The following PPHLN1 variants were observed in gnomAD, a reference collection of about 807,000 sequenced individuals.
PPHLN1 encodes periphilin 1, also known as periphilin-1.
Under a neutral mutation model 51.3 loss-of-function variants are expected in PPHLN1, and 29 were observed. The ratio of observed to expected loss-of-function variants is 0.57; its 90% CI spans 0.42 to 0.77. The LOEUF (loss-of-function observed/expected upper bound fraction) is 0.77, where lower values mean the gene tolerates loss of function less well. Among genes scored for constraint, PPHLN1 ranks in the 30% least tolerant of loss-of-function variants. The probability of loss-of-function intolerance (pLI) is 0.00; values close to 1 mark genes in which losing one functional copy is unlikely to be tolerated. For missense variants in PPHLN1, 436 were observed against 438.4 expected (o/e 0.99, Z 0.05); for synonymous variants, 147 against 147.8 (o/e 0.99, Z 0.04).
intron 1 of PPHLN1, among the ~76,000 whole-genome samples, chr12:42,331,428 C>T (rs1565721214): frequency 6.6e-6 from 1 of 152,198 alleles, no homozygotes; most frequent in East Asian, 1.9e-4. Context: ...TTGCCTATGA[C>T]TTTGTTTTCT....
At chr12:42,412,488 T>C (rs2079963025) in intron 9 of PPHLN1, among the ~76,000 whole-genome samples, 1 of 152,194 alleles carries the variant, frequency 6.6e-6, no homozygotes, top group Admixed American at 6.5e-5. Flanking sequence ...TTTCATTGGT[T>C]GATGGACACT....
At chr12:42,429,768 T>G (rs1411361739) in intron 9 of PPHLN1, among the ~76,000 whole-genome samples, 2 of 152,206 alleles carry the variant, frequency 1.3e-5, no homozygotes, top group Admixed American at 6.5e-5. Context: ...ATTTGCAGAT[T>G]CATTAATATC....
At chr12:42,439,429 T>G (rs2082749773) in intron 9 of PPHLN1, among the ~76,000 whole-genome samples, 2 of 152,258 alleles carry the variant, frequency 1.3e-5, no homozygotes, top group Admixed American at 6.5e-5. Context: ...TGTCCTGTCC[T>G]TGATCTTTCT....
chr12:42,366,497 G>A (rs1490180306), intron 4 of PPHLN1, among the ~76,000 whole-genome samples: 3 of 151,926 alleles, frequency 2.0e-5, no homozygotes, highest in African/African-American at 7.3e-5. Flanking sequence ...AAAGTGCTGG[G>A]ATTACAGGTG....
intron 2 of PPHLN1, among the ~76,000 whole-genome samples, chr12:42,350,619 G>C (rs1233790650): frequency 6.6e-6 from 1 of 152,176 alleles, no homozygotes; most frequent in East Asian, 1.9e-4. Flanking sequence ...CAGGCGGCTG[G>C]GAGGTGGAGG....
intron 2 of PPHLN1, among the ~76,000 whole-genome samples, chr12:42,336,826 T>C (rs1389905500): frequency 6.6e-6 from 1 of 152,222 alleles, no homozygotes; most frequent in Admixed American, 6.5e-5. Context: ...TATATGAATA[T>C]ATTATAGATT....
At chr12:42,373,903 C>A (rs1305075908) in intron 4 of PPHLN1, among the ~76,000 whole-genome samples, 1 of 152,124 alleles carries the variant, frequency 6.6e-6, no homozygotes, top group African/African-American at 2.4e-5. Flanking sequence ...AGCAGGGTTT[C>A]TCAGTGTTGG....
chr12:42,348,238 G>C (rs1284032179), intron 2 of PPHLN1, among the ~76,000 whole-genome samples: 2 of 147,984 alleles, frequency 1.4e-5, no homozygotes, highest in African/African-American at 5.0e-5. Flanking sequence ...AGCCTCCTGA[G>C]TAGCTGGCAC....
At chr12:42,354,048 A>C (rs1238096619) in intron 3 of PPHLN1, among the ~76,000 whole-genome samples, 1 of 152,106 alleles carries the variant, frequency 6.6e-6, no homozygotes, top group Non-Finnish European at 1.5e-5. Context: ...TTTTATTAGC[A>C]CTGTTAAGTT....
At chr12:42,384,249 A>G (rs543882428) in intron 5 of PPHLN1, among the ~76,000 whole-genome samples, 61 of 143,448 alleles carry the variant, frequency 4.3e-4, no homozygotes, top group African/African-American at 1.1e-3. Context: ...TTTCTCAGAG[A>G]AAAAAAAAAA....
intron 9 of PPHLN1, among the ~76,000 whole-genome samples, chr12:42,414,249 G>C (rs2080163085): frequency 6.6e-6 from 1 of 151,968 alleles, no homozygotes; most frequent in South Asian, 2.1e-4. Context: ...TGGCCAGGCT[G>C]GTCCGGAACT....
rs530647546 is a variant in PPHLN1 at position 42,414,946 on chromosome 12, ATAATTT to A, written c.909+15957_909+15962del. On this transcript the variant is annotated intron_variant, in intron 9 of 9. Transcript: ENST00000358314. ...TTAAACGTTTTATAATCTGTAACTG[ATAATTT>A]TAATATTAAGGTGTCAGGGTTTTAA... 7.5e-4 allele frequency among the ~76,000 whole-genome samples: 114 copies of A among 152,308 alleles called. 1 individual carries two copies. Among genetic ancestry groups the A allele is most frequent in the Middle Eastern group, 3.4e-3 (1 of 294 alleles).
intron 1 of PPHLN1, among the ~76,000 whole-genome samples, chr12:42,329,125 G>A (rs943243132): frequency 6.3e-5 from 9 of 142,398 alleles, no homozygotes; most frequent in African/African-American, 1.4e-4. Flanking sequence ...TGTGTGTGAC[G>A]GAGTCTCACT....
At chr12:42,446,516 T>TG, downstream of PPHLN1, 1 of 1,551,774 alleles carries the variant, frequency 6.4e-7, no homozygotes, top group Non-Finnish European at 8.8e-7. Flanking sequence ...CCCCCACTCC[T>TG]GGGGGTCGCT....
intron 4 of PPHLN1, among the ~76,000 whole-genome samples, chr12:42,361,881 T>C (rs1302130374): frequency 6.6e-6 from 1 of 152,212 alleles, no homozygotes; most frequent in Non-Finnish European, 1.5e-5. Flanking sequence ...TTTCAGTTTT[T>C]TGGGTACATA....
At chr12:42,412,186 C>T (rs1242667533) in intron 9 of PPHLN1, among the ~76,000 whole-genome samples, 1 of 152,096 alleles carries the variant, frequency 6.6e-6, no homozygotes, top group Non-Finnish European at 1.5e-5. Context: ...GCCTGGGCGA[C>T]AGAGCGAGAC....
At chr12:42,370,886 A>G (rs1295043547) in intron 4 of PPHLN1, among the ~76,000 whole-genome samples, 3 of 151,812 alleles carry the variant, frequency 2.0e-5, no homozygotes, top group Non-Finnish European at 2.9e-5. Context: ...CTGGAGTGCA[A>G]TCTCTGCCTC....
intron 2 of PPHLN1, among the ~76,000 whole-genome samples, chr12:42,340,190 C>T (rs892687103): frequency 9.9e-5 from 15 of 151,708 alleles, no homozygotes; most frequent in Non-Finnish European, 2.1e-4. Flanking sequence ...TGCCTGTAGT[C>T]CCACCTACAT....
chr12:42,439,737 C>T (rs766806349), intron 9 of PPHLN1, among the ~76,000 whole-genome samples: 13 of 152,176 alleles, frequency 8.5e-5, no homozygotes, highest in Non-Finnish European at 1.3e-4. Flanking sequence ...GTTGGCCAGG[C>T]TGGTCTCAAA....
Sources: allele counts gnomAD v4.1 joint callset (sites outside exome capture counted in the v4.1 genomes callset), GRCh38; gene constraint gnomAD v4.1.1; transcripts MANE v1.5; gene names NCBI Gene and HGNC (gene_info 2026-07-23, HGNC 2026-07-21).